The following ARMC9 variants were observed in gnomAD, a reference collection of about 807,000 sequenced individuals.
ARMC9 encodes the protein armadillo repeat containing 9, also known as lisH domain-containing protein ARMC9.
ARMC9 carries 94 observed loss-of-function variants against 107.0 expected under a neutral mutation model. The ratio of observed to expected loss-of-function variants is 0.88; its 90% CI spans 0.74 to 1.04. The LOEUF is 1.04. ARMC9 is among the 50% of genes least tolerant of loss of function. The probability of loss-of-function intolerance (pLI) is 0.00; values close to 1 mark genes in which losing one functional copy is unlikely to be tolerated. For missense variants in ARMC9, 942 were observed against 1,030.1 expected (o/e 0.91, Z 1.17); for synonymous variants, 380 against 396.9 (o/e 0.96, Z 0.51).
At chr2:231,223,119 T>A (rs1222825040) in intron 6 of ARMC9, among the ~76,000 whole-genome samples, 1 of 152,232 alleles carries the variant, frequency 6.6e-6, no homozygotes, top group African/African-American at 2.4e-5. Flanking sequence ...TTGGGATAAT[T>A]GTCCCTTTGC....
At chr2:231,246,709 CA>C in intron 9 of ARMC9, among the ~76,000 whole-genome samples, 1 of 152,258 alleles carries the variant, frequency 6.6e-6, no homozygotes, top group East Asian at 1.9e-4. Flanking sequence ...ATTTTCCTTT[CA>C]GTATAGAATT....
chr2:231,251,734 A>AT (rs974287537), intron 9 of ARMC9, among the ~76,000 whole-genome samples: 62 of 150,480 alleles, frequency 4.1e-4, no homozygotes, highest in African/African-American at 1.3e-3. Flanking sequence ...TTATTTTATT[A>AT]TTTTTTTTTG....
chr2:231,275,982 CAAA>C (rs1487737174), intron 14 of ARMC9, among the ~76,000 whole-genome samples: 2 of 152,082 alleles, frequency 1.3e-5, no homozygotes, highest in African/African-American at 2.4e-5. Context: ...ACCTATTTGT[CAAA>C]GAAGTATTTC....
At position 231,359,686 on chromosome 2, in the gene ARMC9, G is replaced by A. The variant is rs189501810; in HGVS notation, c.2132-1068G>A. ...TGTGACTTCACTCAAGTATTCTCTT[G>A]TACACCTACGCTTTTTCTCCTGGCC... On this transcript the variant is annotated intron_variant, in intron 22 of 24. Transcript: ENST00000611582. Among the ~76,000 whole-genome samples the A allele has an allele frequency of 7.9e-5, 12 of 152,274 alleles. No homozygotes were observed. In the East Asian group the frequency reaches 1.9e-3, roughly 25 times the overall value.
chr2:231,206,783 G>A (rs868573714), intron 2 of ARMC9, among the ~76,000 whole-genome samples: 1 of 152,100 alleles, frequency 6.6e-6, no homozygotes, highest in Non-Finnish European at 1.5e-5. Context: ...TCTGGTAATG[G>A]CCTAGGTTTC....
At chr2:231,318,246 T>A (rs184254774) in intron 19 of ARMC9, among the ~76,000 whole-genome samples, 1 of 142,060 alleles carries the variant, frequency 7.0e-6, no homozygotes, top group Admixed American at 6.6e-5. Flanking sequence ...TATCATTTTC[T>A]CCAATCCCAG....
intron 19 of ARMC9, among the ~76,000 whole-genome samples, chr2:231,327,853 C>T (rs145316883): frequency 0.019 from 2,909 of 152,118 alleles, 91 homozygotes; most frequent in African/African-American, 0.065. Context: ...GGCATGATCT[C>T]GGCTCACTGC....
chr2:231,236,960 A>T (rs1037497896), intron 8 of ARMC9, among the ~76,000 whole-genome samples: 3 of 152,194 alleles, frequency 2.0e-5, no homozygotes, highest in Non-Finnish European at 4.4e-5. Context: ...AATTTAATTT[A>T]AAAAAAGATG....
chr2:231,216,504 A>G (rs979404951), intron 4 of ARMC9, 134 bp from the exon 5 acceptor site: 13 of 985,228 alleles, frequency 1.3e-5, no homozygotes, highest in African/African-American at 1.3e-4. Context: ...TCTAGAGACA[A>G]TGCACCTGCC....
intron 21 of ARMC9, 164 bp downstream of exon 21, chr2:231,345,254 C>T (rs1014631330): frequency 2.3e-6 from 3 of 1,308,156 alleles, no homozygotes; most frequent in African/African-American, 3.1e-5. Context: ...TTGAGTCCTT[C>T]TCCCTTCCCC....
intron 5 of ARMC9, among the ~76,000 whole-genome samples, chr2:231,218,319 G>T (rs2033749817): frequency 6.6e-6 from 1 of 152,022 alleles, no homozygotes; most frequent in Non-Finnish European, 1.5e-5. Flanking sequence ...ATCTGGAAGG[G>T]TTCAGATGTC....
At chr2:231,349,694 T>C (rs1177556287) in intron 21 of ARMC9, among the ~76,000 whole-genome samples, 1 of 151,930 alleles carries the variant, frequency 6.6e-6, no homozygotes, top group Non-Finnish European at 1.5e-5. Flanking sequence ...GGCAGGAGAA[T>C]CACTTGAACC....
intron 21 of ARMC9, among the ~76,000 whole-genome samples, chr2:231,354,483 G>T (rs2045254377): frequency 6.7e-6 from 1 of 149,926 alleles, no homozygotes; most frequent in Non-Finnish European, 1.5e-5. Flanking sequence ...CCTGGCTCAA[G>T]CGATTCTCCT....
chr2:231,364,319 T>C (rs1669089), intron 23 of ARMC9, among the ~76,000 whole-genome samples: 90,620 of 152,200 alleles, frequency 0.6, 29,504 homozygotes, highest in African/African-American at 0.87. Context: ...CTCCTCGCAC[T>C]CAGGCCCAGG....
chr2:231,200,942 C>T (rs1161653232), intron 1 of ARMC9, among the ~76,000 whole-genome samples: 1 of 152,066 alleles, frequency 6.6e-6, no homozygotes, highest in Non-Finnish European at 1.5e-5. Flanking sequence ...AATCATGAGT[C>T]ATGTTTGCCT....
At chr2:231,353,118 C>G (rs537875883) in intron 21 of ARMC9, among the ~76,000 whole-genome samples, 1 of 131,668 alleles carries the variant, frequency 7.6e-6, no homozygotes, top group South Asian at 2.1e-4. Context: ...TTTCTTTTCC[C>G]CTTTTGGGCT....
In ARMC9 at chr2:231,273,829, T is replaced by C. The variant is rs551917929; in HGVS notation, c.1334+751T>C. On this transcript the variant is annotated intron_variant, in intron 14 of 24. Transcript: ENST00000611582. ...TTAGTGTATTTACAGAGTTGTGCAG[T>C]CATCACCACAATCCAGGTTTAGCAC... 3.9e-5 allele frequency among the ~76,000 whole-genome samples: 6 copies of C among 152,280 alleles called. No individual in the cohort carries two copies. The East Asian group carries it at 1.2e-3, about 29-fold the overall frequency.
rs147377923 is a variant in ARMC9, at chr2:231,276,726, G to A, written c.1425G>A (p.Thr475=). The change falls in exon 15 of 25, where the codon ACG becomes ACA. Residue 475 remains threonine, a synonymous_variant. Transcript: ENST00000611582. ...LKDPDCLSDY[T]LEYSVALLMN... Reference sequence around the variant, plus strand: ...ACCCTGACTGCCTGTCTGACTACACGCTGGAGTACTCGGTGGCTTTGCTCA... The same window carrying A: ...ACCCTGACTGCCTGTCTGACTACACACTGGAGTACTCGGTGGCTTTGCTCA... 317 of 1,614,128 alleles carry A rather than the reference G, an allele frequency of 2.0e-4. No homozygotes were observed. Among genetic ancestry groups the A allele is most frequent in the Non-Finnish European group, 2.4e-4 (287 of 1,180,026 alleles).
At chr2:231,342,386 G>A (rs988197726) in intron 20 of ARMC9, among the ~76,000 whole-genome samples, 1 of 152,204 alleles carries the variant, frequency 6.6e-6, no homozygotes, top group Non-Finnish European at 1.5e-5. Flanking sequence ...AAATATTCTC[G>A]AATACGTGAC....
Sources: allele counts gnomAD v4.1 joint callset (sites outside exome capture counted in the v4.1 genomes callset), GRCh38; gene constraint gnomAD v4.1.1; transcripts MANE v1.5; gene names NCBI Gene and HGNC (gene_info 2026-07-23, HGNC 2026-07-21).